Variants in CPNE4 observed in about 807,000 individuals in gnomAD.
CPNE4 encodes the protein copine-4.
In CPNE4, 25 loss-of-function variants were observed where a neutral mutation model predicts 67.9. The observed-to-expected ratio is 0.37, with a 90% CI of 0.27 to 0.51. CPNE4 has a LOEUF of 0.51. Ranked by LOEUF, CPNE4 falls within the 20% of genes least tolerant of loss-of-function variation. The pLI is 0.93. For missense variants in CPNE4, 464 were observed against 690.8 expected (o/e 0.67, Z 3.68); for synonymous variants, 242 against 244.9 (o/e 0.99, Z 0.11).
intron 7 of CPNE4, among the ~76,000 whole-genome samples, chr3:131,589,671 C>T (rs571244875): frequency 1.8e-4 from 27 of 152,146 alleles, no homozygotes; most frequent in Admixed American, 3.3e-4. Flanking sequence ...AAAATGGGGT[C>T]GGTAGGAATG....
At chr3:131,590,413 A>G (rs933733696) in intron 7 of CPNE4, among the ~76,000 whole-genome samples, 9 of 152,134 alleles carry the variant, frequency 5.9e-5, no homozygotes, top group Non-Finnish European at 1.3e-4. Flanking sequence ...TCCCTAAGTG[A>G]GGGTAGTACA....
chr3:131,722,595 G>T (rs1019612983), intron 3 of CPNE4, among the ~76,000 whole-genome samples: 11 of 152,056 alleles, frequency 7.2e-5, no homozygotes, highest in Admixed American at 2.6e-4. Flanking sequence ...GTAGAAAAAA[G>T]CTCTCTCTTC....
chr3:131,929,177 G>T, intron 1 of CPNE4, among the ~76,000 whole-genome samples: 1 of 126,184 alleles, frequency 7.9e-6, no homozygotes, highest in Non-Finnish European at 1.6e-5. Context: ...TCAATCATCA[G>T]TCCCCAACTT....
chr3:131,946,691 A>G (rs7637003), intron 1 of CPNE4, among the ~76,000 whole-genome samples: 37,728 of 152,078 alleles, frequency 0.25, 5,062 homozygotes, highest in Non-Finnish European at 0.3. Flanking sequence ...CCCATTCTGT[A>G]AAGTCTCTTT....
At chr3:132,024,474 G>T (rs2074074036) in intron 1 of CPNE4, among the ~76,000 whole-genome samples, 1 of 135,174 alleles carries the variant, frequency 7.4e-6, no homozygotes, top group Non-Finnish European at 1.6e-5. Flanking sequence ...TGTACATTTT[G>T]GAGCAAAATG....
intron 6 of CPNE4, among the ~76,000 whole-genome samples, chr3:131,676,478 C>T (rs2080571123): frequency 6.6e-6 from 1 of 151,964 alleles, no homozygotes; most frequent in South Asian, 2.1e-4. Context: ...ATTTCATCAC[C>T]CAGGTATTAA....
rs72992844 is a variant in CPNE4 at position 131,941,710 on chromosome 3, G to A, written c.-1-36266C>T. The stretch of plus-strand genomic sequence containing the variant: ...TACATATTTTAAAAACTGAGATTAA[G>A]CCAACCACTTTCTCAGAGTCCCCTA... On this transcript the variant is annotated intron_variant, in intron 1 of 15. Transcript: ENST00000429747. Among the ~76,000 whole-genome samples, 568 of 152,174 alleles carry A rather than the reference G, an allele frequency of 3.7e-3. 1 individual carries two copies. The highest frequency in any genetic ancestry group is 0.013 in the African/African-American group (542 of 41,552).
At chr3:131,746,287 T>TCG (rs1396625170) in intron 2 of CPNE4, among the ~76,000 whole-genome samples, 5 of 152,076 alleles carry the variant, frequency 3.3e-5, no homozygotes, top group Non-Finnish European at 7.4e-5. Context: ...AACATTAAAA[T>TCG]CACTCTCTCT....
chr3:131,725,334 G>T (rs1184747754), intron 2 of CPNE4, among the ~76,000 whole-genome samples: 2 of 152,266 alleles, frequency 1.3e-5, no homozygotes, highest in East Asian at 3.9e-4. Context: ...TGCCATTATT[G>T]GTTGGATGGA....
Position 131,761,210 on chromosome 3 carries a change from CTTT to C in CPNE4, c.181-37588_181-37586del, listed in dbSNP as rs151161125. Among the ~76,000 whole-genome samples the C allele has an allele frequency of 2.0e-3, 243 of 119,454 alleles. 2 individuals carry two copies. The highest frequency in any genetic ancestry group is 4.3e-3 in the African/African-American group (136 of 31,438). The allele number at this position is 119,454 out of a possible 152,430, so 78.4% of individuals were successfully genotyped here. ...AAGGCTTCTTCCACCTCACTTCGTA[CTTT>C]TTTTTTTTTTTTTTTTTTTAGAGAA... On this transcript the variant is annotated intron_variant, in intron 2 of 15. Coordinates refer to ENST00000429747, the MANE Select transcript of CPNE4 (RefSeq NM_130808.3).
chr3:131,552,031 C>A (rs968550806), intron 13 of CPNE4, among the ~76,000 whole-genome samples: 6 of 150,428 alleles, frequency 4.0e-5, no homozygotes, highest in Admixed American at 6.6e-5. Context: ...CATGTTCCCC[C>A]CTCTCCTTAT....
intron 1 of CPNE4, among the ~76,000 whole-genome samples, chr3:131,933,167 A>C (rs1320678599): frequency 1.3e-5 from 2 of 152,136 alleles, no homozygotes; most frequent in Admixed American, 1.3e-4. Flanking sequence ...ATAACTTGAC[A>C]TCACGTGAGT....
chr3:131,751,678 T>A (rs2082628627), intron 2 of CPNE4, among the ~76,000 whole-genome samples: 1 of 152,176 alleles, frequency 6.6e-6, no homozygotes, highest in East Asian at 1.9e-4. Flanking sequence ...GAGATAATCC[T>A]GGCTTTTGGT....
intron 2 of CPNE4, among the ~76,000 whole-genome samples, chr3:131,772,211 G>A (rs1293254959): frequency 2.6e-5 from 4 of 152,070 alleles, no homozygotes; most frequent in Non-Finnish European, 5.9e-5. Flanking sequence ...TGACAAAGAA[G>A]AGAAGGCTAC....
intron 3 of CPNE4, among the ~76,000 whole-genome samples, chr3:131,720,545 A>G (rs932965223): frequency 1.3e-5 from 2 of 152,222 alleles, no homozygotes; most frequent in African/African-American, 4.8e-5. Flanking sequence ...CGGCTTCCCA[A>G]AGTGCTGGGA....
At chr3:131,789,717 C>G (rs2083664596) in intron 2 of CPNE4, among the ~76,000 whole-genome samples, 1 of 152,086 alleles carries the variant, frequency 6.6e-6, no homozygotes, top group Non-Finnish European at 1.5e-5. Flanking sequence ...GCCTACTAGG[C>G]TAAGTCCTGT....
chr3:131,537,212 C>T (rs533157626), intron 15 of CPNE4, among the ~76,000 whole-genome samples: 8 of 150,932 alleles, frequency 5.3e-5, no homozygotes, highest in South Asian at 2.1e-4. Flanking sequence ...AGTAGTATTT[C>T]GGAACTCTGT....
At chr3:131,967,573 C>T (rs1193037417) in intron 1 of CPNE4, among the ~76,000 whole-genome samples, 1 of 152,100 alleles carries the variant, frequency 6.6e-6, no homozygotes, top group Admixed American at 6.6e-5. Context: ...TTCCTATACA[C>T]CAATAATAGA....
chr3:131,650,731 C>A (rs545296397), intron 7 of CPNE4, among the ~76,000 whole-genome samples: 2 of 85,918 alleles, frequency 2.3e-5, no homozygotes, highest in Non-Finnish European at 1.9e-5. Context: ...GGGGACAGAG[C>A]AAGACTCCGT....
Sources: allele counts gnomAD v4.1 joint callset (sites outside exome capture counted in the v4.1 genomes callset), GRCh38; gene constraint gnomAD v4.1.1; transcripts MANE v1.5; gene names NCBI Gene and HGNC (gene_info 2026-07-23, HGNC 2026-07-21).